The following ZNF618 variants were observed in gnomAD, a reference collection of about 807,000 sequenced individuals.
ZNF618 encodes the protein zinc finger protein 618.
A neutral mutation model predicts 103.0 loss-of-function variants in ZNF618; 34 were observed. The ratio of observed to expected loss-of-function variants is 0.33; its 90% CI spans 0.25 to 0.44. The LOEUF (loss-of-function observed/expected upper bound fraction) is 0.44, where lower values mean the gene tolerates loss of function less well. Ranked by LOEUF, ZNF618 falls within the 20% of genes least tolerant of loss-of-function variation. ZNF618 has a pLI of 1.00. For synonymous variants in ZNF618, 551 were observed against 542.2 expected, an observed-to-expected ratio of 1.02 and a Z score of -0.23; for missense variants, 1,059 against 1,295.4, an observed-to-expected ratio of 0.82 and a Z score of 2.80.
intron 2 of ZNF618, among the ~76,000 whole-genome samples, chr9:113,985,727 GTCC>G (rs1330709109): frequency 1.1e-4 from 16 of 152,318 alleles, no homozygotes; most frequent in African/African-American, 3.4e-4. Flanking sequence ...TTGTCTCCCA[GTCC>G]AGGCTGCCTG....
Position 113,969,165 on chromosome 9 carries a change from A to G in ZNF618, c.77+5A>G. ...AAGGAAAAGCACTGCGAGCAGGTAC[A>G]CTCCCTCTCCCGCCCCCAGCTTGTC... is the stretch of plus-strand genomic sequence containing the variant. On this transcript the variant is annotated splice_donor_5th_base_variant and intron_variant, in intron 2 of 14. Coordinates refer to ENST00000374126, the MANE Select transcript of ZNF618 (RefSeq NM_001318042.2). 6.2e-7 allele frequency: 1 copy of G among 1,613,080 alleles called. No homozygotes were observed. The highest frequency in any genetic ancestry group is 8.5e-7 in the Non-Finnish European group (1 of 1,179,674).
Position 113,986,607 on chromosome 9 carries a change from A to G in ZNF618, c.78-1714A>G, listed in dbSNP as rs58908265. On this transcript the variant is annotated intron_variant, in intron 2 of 14. Coordinates refer to ENST00000374126, the MANE Select transcript of ZNF618 (RefSeq NM_001318042.2). ...TCTTTCCCTTCTTACAAAGCCACCA[A>G]TCCCCTCATGAAGGCCCCTCCAGTG... Among the ~76,000 whole-genome samples the G allele has an allele frequency of 2.4e-3, 366 of 152,204 alleles. 1 individual carries two copies. Among genetic ancestry groups the G allele is most frequent in the African/African-American group, 8.4e-3 (349 of 41,514 alleles).
At chr9:113,880,707 A>T (rs992422042) in intron 1 of ZNF618, among the ~76,000 whole-genome samples, 4 of 152,222 alleles carry the variant, frequency 2.6e-5, no homozygotes, top group African/African-American at 9.7e-5. Flanking sequence ...GAGGCATACC[A>T]CAGGGTACAG....
At chr9:114,046,815 T>C (rs1845698243) in intron 13 of ZNF618, among the ~76,000 whole-genome samples, 1 of 152,246 alleles carries the variant, frequency 6.6e-6, no homozygotes, top group South Asian at 2.1e-4. Flanking sequence ...TTTTGTCTTT[T>C]ACTCTATTAG....
intron 5 of ZNF618, among the ~76,000 whole-genome samples, chr9:114,002,338 C>T (rs536013159): frequency 1.3e-5 from 2 of 152,214 alleles, no homozygotes; most frequent in African/African-American, 4.8e-5. Context: ...ACTGGCCTCA[C>T]GCCTCCCAGG....
chr9:113,897,980 A>G (rs1332016699), intron 1 of ZNF618, among the ~76,000 whole-genome samples: 4 of 152,036 alleles, frequency 2.6e-5, no homozygotes, highest in African/African-American at 9.7e-5. Context: ...TTTAGTAAAG[A>G]CAGGATTTTT....
intron 1 of ZNF618, among the ~76,000 whole-genome samples, chr9:113,921,975 A>G (rs557833914): frequency 6.6e-6 from 1 of 152,312 alleles, no homozygotes; most frequent in African/African-American, 2.4e-5. Context: ...GCAAAAAGGA[A>G]TAAAAAAATC....
Position 113,951,555 on chromosome 9 carries a change from G to GTATATA in ZNF618, c.34-17561_34-17560insATATAT, listed in dbSNP as rs753147188. ...TGTGTGTACATATGTACACATATGT[G>GTATATA]TGTGTATATGTGTGTGTGTATATGT... On this transcript the variant is annotated intron_variant, in intron 1 of 14. Transcript: ENST00000374126. Among the ~76,000 whole-genome samples the GTATATA allele has an allele frequency of 9.8e-3, 477 of 48,836 alleles. 11 individuals are homozygous for GTATATA. Among genetic ancestry groups the GTATATA allele is most frequent in the African/African-American group, 0.01 (184 of 17,542 alleles). The allele number at this position is 48,836 out of a possible 152,430, so 32.0% of individuals were successfully genotyped here.
intron 1 of ZNF618, among the ~76,000 whole-genome samples, chr9:113,905,186 A>G (rs933166671): frequency 1.3e-4 from 20 of 152,072 alleles, no homozygotes; most frequent in Non-Finnish European, 4.4e-5. Context: ...CTTGTGCCTC[A>G]GCCTCCTATT....
At chr9:113,957,978 A>G (rs1836472903) in intron 1 of ZNF618, among the ~76,000 whole-genome samples, 1 of 152,106 alleles carries the variant, frequency 6.6e-6, no homozygotes, top group Admixed American at 6.5e-5. Context: ...TTTCTGTAAA[A>G]TCATAAACCT....
chr9:114,050,434 G>GCACACACA lies in ZNF618; in HGVS notation c.*274_*275insACACACAC, dbSNP rs200395252. The GCACACACA allele has an allele frequency of 3.5e-5, 11 of 316,706 alleles. No individual in the cohort carries two copies. The South Asian group carries it at 4.7e-4, about 14-fold the overall frequency. The allele number at this position is 316,706 out of a possible 1,614,324, so 19.6% of individuals were successfully genotyped here. A position where few individuals can be genotyped will look rare whatever the true frequency, so the allele number is the denominator to read the frequency against. ...TCATCTCCATGGCCAGAGAAACTTT[G>GCACACACA]CACACACGCACACACACACACACAC... On this transcript the variant is annotated 3_prime_UTR_variant, in exon 15 of 15. Transcript: ENST00000374126.
At chr9:114,006,791 G>C (rs1286029986) in intron 6 of ZNF618, among the ~76,000 whole-genome samples, 2 of 152,118 alleles carry the variant, frequency 1.3e-5, no homozygotes, top group Non-Finnish European at 2.9e-5. Context: ...CACTCATGTG[G>C]TTGCTAGCAG....
intron 1 of ZNF618, among the ~76,000 whole-genome samples, chr9:113,950,289 C>G (rs1236940840): frequency 2.0e-5 from 3 of 152,128 alleles, no homozygotes; most frequent in Non-Finnish European, 4.4e-5. Flanking sequence ...TAGTTGACAC[C>G]CCCACCTCTG....
At chr9:114,015,339 G>A (rs2133930242) in intron 9 of ZNF618, among the ~76,000 whole-genome samples, 1 of 151,952 alleles carries the variant, frequency 6.6e-6, no homozygotes, top group Non-Finnish European at 1.5e-5. Flanking sequence ...AAACACAAAA[G>A]GAAAGTCACA....
At chr9:113,953,773 C>T (rs1445576391) in intron 1 of ZNF618, among the ~76,000 whole-genome samples, 2 of 152,208 alleles carry the variant, frequency 1.3e-5, no homozygotes, top group Admixed American at 6.5e-5. Context: ...GCTATGTAGA[C>T]ACACTCTCTG....
At chr9:113,880,042 C>T (rs1010046315) in intron 1 of ZNF618, among the ~76,000 whole-genome samples, 4 of 152,104 alleles carry the variant, frequency 2.6e-5, no homozygotes, top group Non-Finnish European at 4.4e-5. Flanking sequence ...TTTAAAACTC[C>T]TCCAGTGTCA....
At chr9:113,901,576 A>G (rs1288572194) in intron 1 of ZNF618, among the ~76,000 whole-genome samples, 1 of 152,142 alleles carries the variant, frequency 6.6e-6, no homozygotes, top group Non-Finnish European at 1.5e-5. Flanking sequence ...GGGACATGCT[A>G]AACCCGGGCC....
chr9:114,049,639 C>G lies in ZNF618; in HGVS notation c.2337C>G (p.Gly779=). ...TCACGGCCAAGGCCAACGACGCAGG[C>G]ACTGTCAGCAAGCTCTGCCACCTCT... ...KLFTAKANDA[G]TVSKLCHLFL... Residue 779 remains glycine, a synonymous_variant, in exon 15 of 15, where the codon GGC becomes GGG. Coordinates refer to ENST00000374126, the MANE Select transcript of ZNF618 (RefSeq NM_001318042.2). 4.3e-6 allele frequency: 7 copies of G among 1,613,854 alleles called. No individual in the cohort carries two copies. The highest frequency in any genetic ancestry group is 5.9e-6 in the Non-Finnish European group (7 of 1,179,902).
Position 113,985,328 on chromosome 9 carries a change from C to T in ZNF618, c.78-2993C>T, listed in dbSNP as rs182532158. On this transcript the variant is annotated intron_variant, in intron 2 of 14. Transcript: ENST00000374126. ...CAGTCTGCTCCAGTGCTTCTCTTGA[C>T]GGGGAGCTCACCACCTCCAGGGGAT... is the stretch of plus-strand genomic sequence containing the variant. Among the ~76,000 whole-genome samples the T allele has an allele frequency of 7.2e-5, 11 of 152,352 alleles. No homozygotes were observed. In the East Asian group the frequency reaches 7.7e-4, roughly 11 times the overall value.
Sources: allele counts gnomAD v4.1 joint callset (sites outside exome capture counted in the v4.1 genomes callset), GRCh38; gene constraint gnomAD v4.1.1; transcripts MANE v1.5; gene names NCBI Gene and HGNC (gene_info 2026-07-23, HGNC 2026-07-21).